The following MAP1B variants were observed in gnomAD, a reference collection of about 807,000 sequenced individuals.
The protein encoded by MAP1B is microtubule-associated protein 1B.
MAP1B carries 12 observed loss-of-function variants against 176.1 expected under a neutral mutation model. The observed-to-expected ratio is 0.07, with a 90% CI of 0.04 to 0.11. The LOEUF (loss-of-function observed/expected upper bound fraction) is 0.11, where lower values mean the gene tolerates loss of function less well. MAP1B is among the 10% of genes least tolerant of loss of function. MAP1B has a pLI of 1.00. For missense variants in MAP1B, 2,523 were observed against 2,990.5 expected (o/e 0.84, Z 3.65); for synonymous variants, 1,044 against 1,135.0 (o/e 0.92, Z 1.61).
intron 2 of MAP1B, among the ~76,000 whole-genome samples, chr5:72,135,241 T>G (rs954498884): frequency 1.3e-5 from 2 of 152,138 alleles, no homozygotes; most frequent in African/African-American, 4.8e-5. Context: ...AACTTTCTCA[T>G]CTGTCCAATG....
rs139385226 is a variant in MAP1B, at chr5:72,113,144, C to A, written c.185-2554C>A. 1.7e-3 allele frequency among the ~76,000 whole-genome samples: 254 copies of A among 152,284 alleles called. 1 individual carries two copies. The highest frequency in any genetic ancestry group is 5.5e-3 in the African/African-American group (229 of 41,552). On this transcript the variant is annotated intron_variant, in intron 1 of 6. Coordinates refer to ENST00000296755, the MANE Select transcript of MAP1B (RefSeq NM_005909.5). The stretch of plus-strand genomic sequence containing the variant: ...CTTTGCCTTTACCAATATTATCCAG[C>A]AGGAGATACAAAGTAATTACAAATT...
intron 2 of MAP1B, chr5:72,116,378 G>T (rs1579979755): frequency 2.6e-6 from 1 of 380,798 alleles, no homozygotes; most frequent in East Asian, 8.6e-5. Flanking sequence ...GTGGGTAAAA[G>T]AATCTGATAT....
rs1263828583 is a variant in MAP1B at position 72,195,797 on chromosome 5, A to T, written c.2442A>T (p.Ile814=). ...CAGCTGTCATGGCGGCAGCTGGAATAGCAGCCATTGGCCCTGCCAAAGAAC... is the reference window on the plus strand; with the variant it reads ...CAGCTGTCATGGCGGCAGCTGGAATTGCAGCCATTGGCCCTGCCAAAGAAC... ...TTAAVMAAAG[I]AAIGPAKELE... The change falls in exon 5 of 7, where the codon ATA becomes ATT. Residue 814 remains isoleucine (I), a synonymous_variant. Coordinates refer to ENST00000296755, the MANE Select transcript of MAP1B (RefSeq NM_005909.5). The T allele has an allele frequency of 6.2e-7, 1 of 1,614,218 alleles. No individual in the cohort carries two copies. The highest frequency in any genetic ancestry group is 8.5e-7 in the Non-Finnish European group (1 of 1,180,014).
Position 72,196,542 on chromosome 5 carries a change from G to T in MAP1B, c.3187G>T (p.Gly1063Ter). ...GGCTGGTGGTGCCGAGGAGCAGTAT[G>T]GATTCCTCACCACACCAACCAAGCA... is the stretch of plus-strand genomic sequence containing the variant. ...AEAGGAEEQY[G>*]FLTTPTKQLG... The change falls in exon 5 of 7, where the codon GGA becomes TGA. Residue 1063 changes from glycine to a stop codon, truncating the protein, a stop_gained. Coordinates refer to ENST00000296755, the MANE Select transcript of MAP1B (RefSeq NM_005909.5). LOFTEE classifies it high-confidence loss of function. The surrounding 1 kb of genome is among the most constrained non-coding windows in gnomAD (Gnocchi z 5.3). The T allele has an allele frequency of 6.2e-7, 1 of 1,613,728 alleles. No individual in the cohort carries two copies.
At chr5:72,154,768 G>A (rs182031041) in intron 2 of MAP1B, among the ~76,000 whole-genome samples, 17 of 152,318 alleles carry the variant, frequency 1.1e-4, no homozygotes, top group Admixed American at 8.5e-4. Context: ...GATTCCAGTA[G>A]GCACTGAGCA....
intron 2 of MAP1B, among the ~76,000 whole-genome samples, chr5:72,178,112 C>T (rs563309447): frequency 6.6e-5 from 10 of 152,306 alleles, no homozygotes; most frequent in African/African-American, 1.9e-4. Flanking sequence ...AAGTGATCCT[C>T]GTGCCTCAGC....
chr5:72,200,223 C>T lies in MAP1B; in HGVS notation c.6868C>T (p.Pro2290Ser), dbSNP rs1366314416. The change falls in exon 5 of 7, where the codon CCT (proline) becomes TCT (serine). Residue 2290 changes from proline to serine, a missense_variant. Around this residue, in one of 4 missense-constraint regions of MAP1B, gnomAD observed 287 missense variants for 401.5 expected, o/e 0.71. Coordinates refer to ENST00000296755, the MANE Select transcript of MAP1B (RefSeq NM_005909.5). ...GGATAAAGTGTCCAGGGTGGCTTCT[C>T]CTAAGAAGAAAGAATCTGTGGAAAA... ...SSDKVSRVAS[P>S]KKKESVEKAA... The T allele has an allele frequency of 6.2e-7, 1 of 1,614,134 alleles. No individual in the cohort carries two copies. Among genetic ancestry groups the T allele is most frequent in the African/African-American group, 1.3e-5 (1 of 75,016 alleles).
At position 72,186,736 on chromosome 5, in the gene MAP1B, G is replaced by T. The variant is rs1221931307; in HGVS notation, c.492G>T (p.Glu164Asp). The T allele has an allele frequency of 1.2e-6, 2 of 1,614,012 alleles. No individual in the cohort carries two copies. The highest frequency in any genetic ancestry group is 1.3e-5 in the African/African-American group (1 of 74,926). Residue 164 changes from glutamate (E) to aspartate (D), a missense_variant, in exon 4 of 7, where the codon GAG becomes GAT. Physicochemically the swap from Glu to Asp is conservative, Grantham distance 45. Transcript: ENST00000296755. This position sits in a 1 kb window ranked among gnomAD's most constrained non-coding sequence, Gnocchi z 4.3. ...SGSFSFQNFI[E>D]IFTDQEIGEL... The stretch of plus-strand genomic sequence containing the variant: ...CTTTCTCCTTCCAGAACTTCATAGA[G>T]ATTTTCACCGATCAAGAGGTAGGTT...
chr5:72,136,647 A>T (rs1745841624), intron 2 of MAP1B, among the ~76,000 whole-genome samples: 1 of 152,282 alleles, frequency 6.6e-6, no homozygotes, highest in Admixed American at 6.5e-5. Context: ...GCCCCAAGTC[A>T]CACCTAGCCT....
At position 72,207,960 on chromosome 5, in the gene MAP1B, CTCTTTTTTTTT is replaced by C. The variant is rs1747488871; in HGVS notation, c.*2723_*2733del. On this transcript the variant is annotated 3_prime_UTR_variant, in exon 7 of 7. Transcript: ENST00000296755. ...CCCTCCTCACTTTCTCTCTCTCTCT[CTCTTTTTTTTT>C]TTTTTTTTTTTTGCTATGGGATTTA... The C allele has an allele frequency of 7.9e-6, 1 of 126,052 alleles. No individual in the cohort carries two copies. The highest frequency in any genetic ancestry group is 7.8e-5 in the Admixed American group (1 of 12,874). 7.8% of individuals were successfully genotyped at this position (126,052 alleles called of 1,614,324 possible). A position where few individuals can be genotyped will look rare whatever the true frequency, so the allele number is the denominator to read the frequency against.
At chr5:72,171,468 A>C (rs1429128068) in intron 2 of MAP1B, among the ~76,000 whole-genome samples, 3 of 152,020 alleles carry the variant, frequency 2.0e-5, no homozygotes, top group African/African-American at 7.2e-5. Flanking sequence ...ACACACCTGT[A>C]GTGTTAGCTA....
At chr5:72,183,070 G>A (rs1746811936) in intron 2 of MAP1B, among the ~76,000 whole-genome samples, 1 of 152,214 alleles carries the variant, frequency 6.6e-6, no homozygotes, top group African/African-American at 2.4e-5. Context: ...TAGACAGGCG[G>A]TCATCACACC....
At chr5:72,170,398 C>T (rs1264994190) in intron 2 of MAP1B, among the ~76,000 whole-genome samples, 4 of 152,106 alleles carry the variant, frequency 2.6e-5, no homozygotes, top group South Asian at 4.1e-4. Context: ...CTCAATAGTT[C>T]GTGCAAGCAT....
chr5:72,107,764 ACG>A, intron 1 of MAP1B, 49 bp downstream of exon 1: 1 of 1,585,836 alleles, frequency 6.3e-7, no homozygotes, highest in Non-Finnish European at 8.5e-7. Context: ...ACGCGCAAAC[ACG>A]ACCCCACCCA....
At position 72,198,394 on chromosome 5, in the gene MAP1B, C is replaced by T. The variant is rs759426306; in HGVS notation, c.5039C>T (p.Thr1680Ile). The change falls in exon 5 of 7, where the codon ACT becomes ATT. Residue 1680 changes from threonine to isoleucine, a missense_variant. By Grantham distance (89) the Thr-to-Ile change is moderately conservative. Around this residue, in one of 4 missense-constraint regions of MAP1B, gnomAD observed 1,925 missense variants for 2,126.0 expected, o/e 0.91. Transcript: ENST00000296755. ...PTVGAGVLHI[T>I]ENGPTEVDYS... ...GTGGGTGCAGGCGTGCTTCACATCA[C>T]TGAAAATGGGCCAACTGAAGTGGAC... 6.2e-7 allele frequency: 1 copy of T among 1,614,174 alleles called. No homozygotes were observed. The highest frequency in any genetic ancestry group is 8.5e-7 in the Non-Finnish European group (1 of 1,180,036).
intron 2 of MAP1B, among the ~76,000 whole-genome samples, chr5:72,139,778 T>C (rs1178975831): frequency 6.6e-6 from 1 of 152,188 alleles, no homozygotes; most frequent in Non-Finnish European, 1.5e-5. Context: ...AATCTAAGTT[T>C]GAAATTACCA....
chr5:72,184,851 C>T (rs1446119840), intron 3 of MAP1B, among the ~76,000 whole-genome samples: 1 of 152,114 alleles, frequency 6.6e-6, no homozygotes, highest in Non-Finnish European at 1.5e-5. Context: ...AAATTCATCC[C>T]TTTAAAGTGT....
intron 2 of MAP1B, among the ~76,000 whole-genome samples, chr5:72,158,054 C>T (rs1319397146): frequency 7.1e-6 from 1 of 140,870 alleles, no homozygotes; most frequent in African/African-American, 2.7e-5. Flanking sequence ...TTCGCCCAGG[C>T]TGGAGTGCAG....
intron 2 of MAP1B, among the ~76,000 whole-genome samples, chr5:72,141,442 G>A (rs1361484501): frequency 6.6e-6 from 1 of 152,240 alleles, no homozygotes; most frequent in Non-Finnish European, 1.5e-5. Flanking sequence ...TTCATGCTGG[G>A]TATTGTATAG....
Sources: allele counts gnomAD v4.1 joint callset (sites outside exome capture counted in the v4.1 genomes callset), GRCh38; gene constraint gnomAD v4.1.1; regional missense constraint gnomAD v4.1.1; non-coding constraint Gnocchi (gnomAD v3.1); transcripts MANE v1.5; gene names NCBI Gene and HGNC (gene_info 2026-07-23, HGNC 2026-07-21).